TGM4: variants seen among roughly 807,000 people sequenced by gnomAD.
TGM4 encodes the protein transglutaminase 4.
Under a neutral mutation model 76.3 loss-of-function variants are expected in TGM4, and 61 were observed. That is an observed-to-expected ratio of 0.80 (90% CI 0.65 to 0.99). TGM4 has a LOEUF of 0.99. Among genes scored for constraint, TGM4 ranks in the 50% least tolerant of loss-of-function variants. The pLI is 0.00. For synonymous variants in TGM4, 337 were observed against 329.8 expected (o/e 1.02, Z -0.24); for missense variants, 794 against 843.2 (o/e 0.94, Z 0.72).
intron 5 of TGM4, among the ~76,000 whole-genome samples, chr3:44,895,354 T>C (rs1052495112): frequency 6.6e-6 from 1 of 151,418 alleles, no homozygotes; most frequent in African/African-American, 2.4e-5. Flanking sequence ...TGACTGGGTA[T>C]GGAGGCTCAC....
rs200544069 is a variant in TGM4, at chr3:44,879,269, A to C, written c.19+4572A>C. Among the ~76,000 whole-genome samples, 479 of 101,594 alleles carry C rather than the reference A, an allele frequency of 4.7e-3. 1 individual carries two copies. The highest frequency in any genetic ancestry group is 0.014 in the South Asian group (42 of 2,976). The allele number at this position is 101,594 out of a possible 152,430, so 66.6% of individuals were successfully genotyped here. The stretch of plus-strand genomic sequence containing the variant: ...TCTCTCTCTCTCTCTCTCTCTCTAT[A>C]TATATATATATATATATAGTTTATT... On this transcript the variant is annotated intron_variant, in intron 1 of 13. Coordinates refer to ENST00000296125, the MANE Select transcript of TGM4 (RefSeq NM_003241.4).
At chr3:44,878,275 C>T (rs573640591) in intron 1 of TGM4, among the ~76,000 whole-genome samples, 11 of 151,600 alleles carry the variant, frequency 7.3e-5, no homozygotes, top group South Asian at 2.1e-4. Context: ...AGAAGCAAGG[C>T]GCAGAATAGT....
Position 44,887,723 on chromosome 3 carries a change from G to T in TGM4, c.228G>T (p.Val76=), listed in dbSNP as rs185474083. 268 of 1,614,166 alleles carry T rather than the reference G, an allele frequency of 1.7e-4. No individual in the cohort carries two copies. The highest frequency in any genetic ancestry group is 7.7e-4 in the Admixed American group (46 of 60,034). ...CTAGCATCGCCAAACACACCCTGGT[G>T]GTGCTCGACCCGAGGACGCCCTCAG... ...PNPSIAKHTL[V]VLDPRTPSDH... is the part of the protein sequence containing the mutation. The change falls in exon 3 of 14, where the codon GTG becomes GTT. Residue 76 remains valine (V), a synonymous_variant. Coordinates refer to ENST00000296125, the MANE Select transcript of TGM4 (RefSeq NM_003241.4).
At position 44,874,615 on chromosome 3, in the gene TGM4, G is replaced by A. The variant is rs758128604; in HGVS notation, c.-64G>A. On this transcript the variant is annotated 5_prime_UTR_variant, in exon 1 of 14. In the 5' UTR this introduces an upstream ATG that the reference lacks. Coordinates refer to ENST00000296125, the MANE Select transcript of TGM4 (RefSeq NM_003241.4). ...CTGTTTCCTCCCCTGAGGACCGACT[G>A]TGTGGAAGCACCAGGCATCAGAGAT... 19 of 1,607,454 alleles carry A rather than the reference G, an allele frequency of 1.2e-5. No individual in the cohort carries two copies. Among genetic ancestry groups the A allele is most frequent in the Non-Finnish European group, 1.6e-5 (19 of 1,174,128 alleles).
rs567036336 is a variant in TGM4 at position 44,903,087 on chromosome 3, T to A, written c.972-797T>A. Among the ~76,000 whole-genome samples the A allele has an allele frequency of 2.6e-5, 4 of 152,348 alleles. No individual in the cohort carries two copies. In the East Asian group the frequency reaches 7.7e-4, roughly 29 times the overall value. On this transcript the variant is annotated intron_variant, in intron 8 of 13. Coordinates refer to ENST00000296125, the MANE Select transcript of TGM4 (RefSeq NM_003241.4). ...ATATACAGTTGACCCTTGAACAGCA[T>A]CGGTTTGAACTGTGCAGGTCCACTC...
intron 9 of TGM4, among the ~76,000 whole-genome samples, chr3:44,905,322 G>T (rs1393860548): frequency 2.6e-5 from 4 of 151,150 alleles, no homozygotes; most frequent in Non-Finnish European, 4.4e-5. Context: ...CAGTCCAACT[G>T]CTCAGAAGGA....
chr3:44,887,638 T>G (rs749707114), intron 2 of TGM4, 51 bp from the exon 3 acceptor site: 1 of 1,567,870 alleles, frequency 6.4e-7, no homozygotes, highest in Non-Finnish European at 8.7e-7. Flanking sequence ...GAGGAGATTG[T>G]CTTGGGGGTG....
At chr3:44,881,243 C>G (rs7612574) in intron 1 of TGM4, among the ~76,000 whole-genome samples, 2,804 of 152,202 alleles carry the variant, frequency 0.018, 88 homozygotes, top group African/African-American at 0.064. Context: ...TAACCTCTCA[C>G]TATTTTTTGT....
At chr3:44,875,543 G>A (rs368886581) in intron 1 of TGM4, among the ~76,000 whole-genome samples, 152 of 152,210 alleles carry the variant, frequency 1.0e-3, no homozygotes, top group African/African-American at 3.5e-3. Context: ...ACCACCAAGA[G>A]CAGACACCAG....
At chr3:44,879,214 A>G (rs1288340090) in intron 1 of TGM4, among the ~76,000 whole-genome samples, 1 of 143,796 alleles carries the variant, frequency 7.0e-6, no homozygotes, top group African/African-American at 2.6e-5. Flanking sequence ...GTCCCTAGCC[A>G]TTTTTGACTT....
intron 1 of TGM4, among the ~76,000 whole-genome samples, chr3:44,880,971 AT>A (rs1225343752): frequency 2.6e-5 from 4 of 152,118 alleles, no homozygotes; most frequent in Non-Finnish European, 5.9e-5. Flanking sequence ...TAATTCCAAC[AT>A]TTTTGGAGGC....
chr3:44,875,173 C>T (rs1699435182), intron 1 of TGM4, among the ~76,000 whole-genome samples: 1 of 152,156 alleles, frequency 6.6e-6, no homozygotes. Flanking sequence ...TACTGTTATC[C>T]AACCCACAGA....
chr3:44,891,726 G>C (rs1699700201), intron 4 of TGM4, among the ~76,000 whole-genome samples: 1 of 152,164 alleles, frequency 6.6e-6, no homozygotes, highest in African/African-American at 2.4e-5. Flanking sequence ...TGTAATCACA[G>C]CACTTTGGGA....
In TGM4 at chr3:44,913,449, G is replaced by A. The variant is rs1229889304; in HGVS notation, c.1914-135G>A. ...CCAGGGTGCAGGTACACTGTGCCAT[G>A]CCCTGGAATGGCCAGGACTTTTCAA... On this transcript the variant is annotated intron_variant, in intron 13 of 13. Transcript: ENST00000296125. The A allele has an allele frequency of 4.5e-6, 5 of 1,104,150 alleles. No individual in the cohort carries two copies. In the South Asian group the frequency reaches 6.6e-5, roughly 15 times the overall value. 68.4% of individuals were successfully genotyped at this position (1,104,150 alleles called of 1,614,324 possible).
chr3:44,907,156 A>G lies in TGM4; in HGVS notation c.1283A>G (p.Gln428Arg), dbSNP rs1427638035. ...AACATCAGCACCAAGGCAGTGGGCC[A>G]AGACAGGCGGAGAGATATCACCTAT... The part of the protein sequence containing the change: ...GKNISTKAVG[Q>R]DRRRDITYEY... Residue 428 changes from glutamine (Q) to arginine (R), a missense_variant, in exon 10 of 14, where the codon CAA becomes CGA. By Grantham distance (43) the Gln-to-Arg change is conservative (BLOSUM62 1). Coordinates refer to ENST00000296125, the MANE Select transcript of TGM4 (RefSeq NM_003241.4). 2 of 1,614,136 alleles carry G rather than the reference A, an allele frequency of 1.2e-6. No homozygotes were observed. Among genetic ancestry groups the G allele is most frequent in the East Asian group, 2.2e-5 (1 of 44,870 alleles).
At chr3:44,887,031 C>T (rs750213463) in intron 2 of TGM4, among the ~76,000 whole-genome samples, 13 of 152,326 alleles carry the variant, frequency 8.5e-5, no homozygotes, top group Middle Eastern at 6.8e-3. Flanking sequence ...GCCATGAGCA[C>T]GGCAAGTGCC....
chr3:44,908,320 T>A (rs1699953046), intron 10 of TGM4, among the ~76,000 whole-genome samples: 1 of 152,192 alleles, frequency 6.6e-6, no homozygotes, highest in Non-Finnish European at 1.5e-5. Flanking sequence ...AATCTTATCC[T>A]CAGGGTTGTG....
At position 44,890,738 on chromosome 3, in the gene TGM4, G is replaced by C. The variant is rs552937795; in HGVS notation, c.430+6G>C. On this transcript the variant is annotated splice_donor_region_variant and intron_variant, in intron 4 of 13. Transcript: ENST00000296125. ...CTTCAACCCATGGTGTAAAGGTACT[G>C]TGAATCTCAGGTCTGCTGGGGAATG... is the stretch of plus-strand genomic sequence containing the variant. 1 of 1,613,728 alleles carries C rather than the reference G, an allele frequency of 6.2e-7. No individual in the cohort carries two copies. Among genetic ancestry groups the C allele is most frequent in the African/African-American group, 1.3e-5 (1 of 75,052 alleles).
intron 4 of TGM4, among the ~76,000 whole-genome samples, chr3:44,891,477 C>G (rs574258501): frequency 6.6e-6 from 1 of 151,560 alleles, no homozygotes; most frequent in East Asian, 1.9e-4. Flanking sequence ...ACATTTTGCT[C>G]CATTTGCTTA....
Sources: gnomAD v4.1 joint callset for allele counts (sites outside exome capture counted in the v4.1 genomes callset) on GRCh38, gnomAD v4.1.1 for gene constraint, MANE v1.5 for transcripts, NCBI Gene and HGNC (gene_info 2026-07-23, HGNC 2026-07-21) for gene names.